KCNH1: variants seen among roughly 807,000 people sequenced by gnomAD.
The protein encoded by KCNH1 is voltage-gated delayed rectifier potassium channel KCNH1.
In KCNH1, 27 loss-of-function variants were observed where a neutral mutation model predicts 69.2. The observed-to-expected ratio is 0.39, with a 90% CI of 0.29 to 0.54. KCNH1 has a LOEUF of 0.54. Among genes scored for constraint, KCNH1 ranks in the 20% least tolerant of loss-of-function variants. The probability of loss-of-function intolerance (pLI) is 0.68; values close to 1 mark genes in which losing one functional copy is unlikely to be tolerated. For missense variants in KCNH1, 798 were observed against 1,261.6 expected (o/e 0.63, Z 5.57); for synonymous variants, 456 against 487.7 (o/e 0.93, Z 0.86).
At chr1:210,748,245 G>T (rs750190284) in intron 10 of KCNH1, among the ~76,000 whole-genome samples, 1 of 152,160 alleles carries the variant, frequency 6.6e-6, no homozygotes, top group Admixed American at 6.5e-5. Flanking sequence ...TGGGTATCTG[G>T]GCTCTCTTAT....
chr1:210,894,621 C>T (rs759524008), intron 7 of KCNH1, among the ~76,000 whole-genome samples: 115 of 152,250 alleles, frequency 7.6e-4, no homozygotes, highest in Non-Finnish European at 4.4e-4. Flanking sequence ...GTGTTGAAAA[C>T]GTAATCCCTC....
intron 3 of KCNH1, among the ~76,000 whole-genome samples, chr1:211,101,314 C>CAT (rs1486124239): frequency 1.5e-5 from 2 of 132,672 alleles, no homozygotes; most frequent in African/African-American, 5.6e-5. Flanking sequence ...ACAAAAAAAC[C>CAT]ATACACACAC....
At chr1:210,833,990 A>G (rs1353900557) in intron 7 of KCNH1, among the ~76,000 whole-genome samples, 1 of 152,236 alleles carries the variant, frequency 6.6e-6, no homozygotes, top group Non-Finnish European at 1.5e-5. Context: ...ATGAGATAGC[A>G]TCTCACACCA....
chr1:210,850,115 C>T (rs1685651240), intron 7 of KCNH1, among the ~76,000 whole-genome samples: 1 of 152,146 alleles, frequency 6.6e-6, no homozygotes, highest in African/African-American at 2.4e-5. Context: ...GTCACTTGCA[C>T]ACTTGCAGCT....
intron 10 of KCNH1, among the ~76,000 whole-genome samples, chr1:210,761,994 G>C (rs922383075): frequency 1.3e-5 from 2 of 152,032 alleles, no homozygotes; most frequent in Non-Finnish European, 2.9e-5. Flanking sequence ...CACGTGCTTG[G>C]TCATACAGCA....
At chr1:210,893,991 T>C (rs765814433) in intron 7 of KCNH1, among the ~76,000 whole-genome samples, 1 of 152,192 alleles carries the variant, frequency 6.6e-6, no homozygotes, top group East Asian at 1.9e-4. Context: ...TTGAAACATA[T>C]GGAATATAGT....
chr1:210,961,922 C>T (rs907762105), intron 6 of KCNH1, among the ~76,000 whole-genome samples: 3 of 151,962 alleles, frequency 2.0e-5, no homozygotes, highest in African/African-American at 4.8e-5. Flanking sequence ...GTAGTTTTTC[C>T]ATGCTAGTTG....
At chr1:211,059,611 TG>T (rs1690390833) in intron 5 of KCNH1, among the ~76,000 whole-genome samples, 1 of 151,440 alleles carries the variant, frequency 6.6e-6, no homozygotes, top group African/African-American at 2.4e-5. Flanking sequence ...GACGTGGTGG[TG>T]GGCACCTGTA....
At chr1:211,049,644 T>C (rs573743161) in intron 5 of KCNH1, among the ~76,000 whole-genome samples, 4 of 152,226 alleles carry the variant, frequency 2.6e-5, no homozygotes, top group African/African-American at 9.6e-5. Context: ...TGAAGGTAAC[T>C]GGGCAGCAGT....
intron 9 of KCNH1, among the ~76,000 whole-genome samples, chr1:210,796,798 C>T (rs1314261729): frequency 6.6e-6 from 1 of 152,118 alleles, no homozygotes; most frequent in Non-Finnish European, 1.5e-5. Context: ...ATGCCTTCCA[C>T]CTGGTCTCCT....
chr1:211,105,103 T>A (rs926195314), intron 2 of KCNH1, among the ~76,000 whole-genome samples: 1 of 152,216 alleles, frequency 6.6e-6, no homozygotes, highest in South Asian at 2.1e-4. Context: ...TATCTGTGGT[T>A]GTCCTTACGC....
chr1:210,816,308 C>T (rs74526850), intron 7 of KCNH1, among the ~76,000 whole-genome samples: 2,717 of 152,256 alleles, frequency 0.018, 82 homozygotes, highest in African/African-American at 0.062. Flanking sequence ...ACAGTTCTTA[C>T]AGGGGAGACA....
At chr1:210,898,095 G>A (rs1686910277) in intron 7 of KCNH1, among the ~76,000 whole-genome samples, 1 of 152,136 alleles carries the variant, frequency 6.6e-6, no homozygotes, top group Non-Finnish European at 1.5e-5. Context: ...GCATTATATT[G>A]AAAAATACTC....
At chr1:210,755,901 T>C (rs1683390251) in intron 10 of KCNH1, among the ~76,000 whole-genome samples, 1 of 152,172 alleles carries the variant, frequency 6.6e-6, no homozygotes, top group Admixed American at 6.6e-5. Flanking sequence ...TATTCATACA[T>C]CCTTAACTTT....
chr1:210,996,843 T>C (rs1558560031), intron 6 of KCNH1, among the ~76,000 whole-genome samples: 1 of 152,126 alleles, frequency 6.6e-6, no homozygotes, highest in Non-Finnish European at 1.5e-5. Context: ...TGCTGTTCTA[T>C]AGCCACCGCT....
chr1:210,985,857 T>G (rs1468489873), intron 6 of KCNH1, among the ~76,000 whole-genome samples: 1 of 152,194 alleles, frequency 6.6e-6, no homozygotes, highest in Non-Finnish European at 1.5e-5. Context: ...TCTGTCTCAT[T>G]GATCTGTCTA....
At chr1:210,809,550 A>T (rs1684655370) in intron 7 of KCNH1, among the ~76,000 whole-genome samples, 1 of 152,220 alleles carries the variant, frequency 6.6e-6, no homozygotes, top group South Asian at 2.1e-4. Flanking sequence ...ACTGAGTTTC[A>T]TGCTTCCCCA....
At chr1:210,741,978 T>G (rs1243779715) in intron 10 of KCNH1, among the ~76,000 whole-genome samples, 1 of 152,122 alleles carries the variant, frequency 6.6e-6, no homozygotes, top group Non-Finnish European at 1.5e-5. Context: ...TGAAGTTAAT[T>G]GATTAGAGAT....
intron 7 of KCNH1, among the ~76,000 whole-genome samples, chr1:210,833,825 C>A (rs140484341): frequency 4.6e-5 from 7 of 151,710 alleles, no homozygotes; most frequent in South Asian, 2.1e-4. Context: ...AATGAACTCA[C>A]ACAAATTTAC....
Sources: gnomAD v4.1 joint callset for allele counts (sites outside exome capture counted in the v4.1 genomes callset) on GRCh38, gnomAD v4.1.1 for gene constraint, MANE v1.5 for transcripts, NCBI Gene and HGNC (gene_info 2026-07-23, HGNC 2026-07-21) for gene names.